Variants in AUTS2 observed in about 807,000 individuals in gnomAD.
AUTS2 encodes activator of transcription and developmental regulator AUTS2, also known as autism susceptibility gene 2 protein.
In AUTS2, 17 loss-of-function variants were observed where a neutral mutation model predicts 112.4. That is an observed-to-expected ratio of 0.15 (90% CI 0.10 to 0.23). The LOEUF (loss-of-function observed/expected upper bound fraction) is 0.23. Ranked by LOEUF, AUTS2 falls within the 10% of genes least tolerant of loss-of-function variation. The pLI, the probability that AUTS2 is intolerant of heterozygous loss-of-function variation, is 1.00. For synonymous variants in AUTS2, 751 were observed against 702.7 expected (o/e 1.07, Z -1.09); for missense variants, 1,510 against 1,701.6 (o/e 0.89, Z 1.98).
intron 2 of AUTS2, among the ~76,000 whole-genome samples, chr7:70,062,563 T>C (rs1211686468): frequency 6.6e-6 from 1 of 151,954 alleles, no homozygotes; most frequent in African/African-American, 2.4e-5. Flanking sequence ...CCAACGTACA[T>C]TGTTTTTCAC....
intron 4 of AUTS2, among the ~76,000 whole-genome samples, chr7:70,139,883 C>T (rs1293022202): frequency 6.6e-6 from 1 of 152,046 alleles, no homozygotes; most frequent in Non-Finnish European, 1.5e-5. Flanking sequence ...CACCTGTAAT[C>T]CCAGCTGCTC....
intron 5 of AUTS2, among the ~76,000 whole-genome samples, chr7:70,675,702 C>T (rs1166956730): frequency 6.6e-6 from 1 of 152,334 alleles, no homozygotes; most frequent in African/African-American, 2.4e-5. Context: ...TTCACTCATG[C>T]ATGAGGCACT....
At chr7:69,647,832 T>A (rs923896514) in intron 1 of AUTS2, among the ~76,000 whole-genome samples, 5 of 152,240 alleles carry the variant, frequency 3.3e-5, no homozygotes, top group African/African-American at 1.2e-4. Context: ...AGGGGAATCT[T>A]TCTTTGCCTC....
intron 5 of AUTS2, among the ~76,000 whole-genome samples, chr7:70,465,428 G>A (rs886415542): frequency 6.6e-6 from 1 of 152,164 alleles, no homozygotes; most frequent in African/African-American, 2.4e-5. Flanking sequence ...CTTCACATTG[G>A]CCAGAAGCTG....
At chr7:70,788,701 A>AAGTT (rs1236989571) in intron 18 of AUTS2, among the ~76,000 whole-genome samples, 1 of 152,130 alleles carries the variant, frequency 6.6e-6, no homozygotes, top group African/African-American at 2.4e-5. Flanking sequence ...CTTCCCTTAA[A>AAGTT]AGTTATTCTT....
chr7:69,977,212 G>C (rs1432550944), intron 2 of AUTS2, among the ~76,000 whole-genome samples: 1 of 152,120 alleles, frequency 6.6e-6, no homozygotes, highest in Non-Finnish European at 1.5e-5. Context: ...TTTCTCCATT[G>C]AACGGCTTTG....
intron 1 of AUTS2, among the ~76,000 whole-genome samples, chr7:69,871,392 G>A (rs1004455719): frequency 2.6e-5 from 4 of 152,066 alleles, no homozygotes; most frequent in African/African-American, 9.7e-5. Context: ...TTTATCCATG[G>A]GGAATACATT....
chr7:70,362,632 C>T (rs1397496383), intron 4 of AUTS2, among the ~76,000 whole-genome samples: 1 of 151,616 alleles, frequency 6.6e-6, no homozygotes, highest in Non-Finnish European at 1.5e-5. Context: ...CCCTCCCTCT[C>T]TCCTTCCTCC....
At chr7:69,660,071 C>T (rs780880772) in intron 1 of AUTS2, among the ~76,000 whole-genome samples, 1 of 152,232 alleles carries the variant, frequency 6.6e-6, no homozygotes, top group South Asian at 2.1e-4. Context: ...GTGCCCCATC[C>T]TTCTGCCCTG....
At chr7:70,483,197 C>T (rs1797857340) in intron 5 of AUTS2, among the ~76,000 whole-genome samples, 1 of 151,734 alleles carries the variant, frequency 6.6e-6, no homozygotes, top group African/African-American at 2.4e-5. Context: ...TGGCTGTCTT[C>T]TACTGTGTGC....
At chr7:70,154,191 C>G (rs935053474) in intron 4 of AUTS2, among the ~76,000 whole-genome samples, 3 of 152,170 alleles carry the variant, frequency 2.0e-5, no homozygotes, top group Non-Finnish European at 1.5e-5. Flanking sequence ...GCAGTCTATC[C>G]AAATCACCTT....
intron 2 of AUTS2, among the ~76,000 whole-genome samples, chr7:70,059,423 A>G (rs1186470490): frequency 6.6e-6 from 1 of 152,152 alleles, no homozygotes; most frequent in Admixed American, 6.5e-5. Context: ...GTTGCTTCCA[A>G]GTTTTGTCAA....
chr7:70,303,443 C>T (rs967078362), intron 4 of AUTS2, among the ~76,000 whole-genome samples: 1 of 144,670 alleles, frequency 6.9e-6, no homozygotes, highest in Non-Finnish European at 1.5e-5. Context: ...CGCACATACA[C>T]ACACACACAC....
chr7:70,719,145 A>G (rs531964952), intron 6 of AUTS2, among the ~76,000 whole-genome samples: 2 of 152,292 alleles, frequency 1.3e-5, no homozygotes, highest in African/African-American at 4.8e-5. Flanking sequence ...GACTGTGAGG[A>G]AACTAAGGCT....
At chr7:69,662,675 A>C (rs1795857934) in intron 1 of AUTS2, among the ~76,000 whole-genome samples, 1 of 152,210 alleles carries the variant, frequency 6.6e-6, no homozygotes, top group Admixed American at 6.5e-5. Flanking sequence ...GTGAGGGCAC[A>C]TTTAGCTTGT....
At chr7:69,765,237 C>T (rs532902810) in intron 1 of AUTS2, among the ~76,000 whole-genome samples, 5 of 152,264 alleles carry the variant, frequency 3.3e-5, no homozygotes, top group African/African-American at 1.2e-4. Context: ...CTTAACTGTA[C>T]TAAATTGTGA....
intron 1 of AUTS2, among the ~76,000 whole-genome samples, chr7:69,792,463 T>C (rs1239940487): frequency 6.6e-6 from 1 of 151,968 alleles, no homozygotes; most frequent in African/African-American, 2.4e-5. Flanking sequence ...ATGGTCTCGA[T>C]CTCCTGACCT....
At chr7:70,165,064 A>G (rs1427405425) in intron 4 of AUTS2, among the ~76,000 whole-genome samples, 5 of 152,200 alleles carry the variant, frequency 3.3e-5, no homozygotes, top group Non-Finnish European at 7.3e-5. Flanking sequence ...AAAACACAAT[A>G]TCATATATGA....
At chr7:70,680,499 TC>T (rs1415641759) in intron 5 of AUTS2, among the ~76,000 whole-genome samples, 1 of 152,218 alleles carries the variant, frequency 6.6e-6, no homozygotes, top group Non-Finnish European at 1.5e-5. Flanking sequence ...AGTTGGCTGC[TC>T]ATGTGATCCG....
Sources: allele counts gnomAD v4.1 joint callset (sites outside exome capture counted in the v4.1 genomes callset), GRCh38; gene constraint gnomAD v4.1.1; transcripts MANE v1.5; gene names NCBI Gene and HGNC (gene_info 2026-07-23, HGNC 2026-07-21).